Variants in ALG1 observed in about 807,000 individuals in gnomAD.
The protein encoded by ALG1 is chitobiosyldiphosphodolichol beta-mannosyltransferase.
A neutral mutation model predicts 55.1 loss-of-function variants in ALG1; 58 were observed. The ratio of observed to expected loss-of-function variants is 1.05; its 90% CI spans 0.85 to 1.31. ALG1 has a LOEUF of 1.31. Ranked by LOEUF, ALG1 falls within the 50% of genes most tolerant of loss-of-function variation. The probability of loss-of-function intolerance (pLI) is 0.00; values close to 1 mark genes in which losing one functional copy is unlikely to be tolerated. For missense variants in ALG1, 761 were observed against 598.6 expected, an observed-to-expected ratio of 1.27 and a Z score of -2.83; for synonymous variants, 309 against 247.0, an observed-to-expected ratio of 1.25 and a Z score of -2.35.
At chr16:5,079,643 C>G in intron 8 of ALG1, 105 bp from the exon 9 acceptor site, 1 of 1,312,880 alleles carries the variant, frequency 7.6e-7, no homozygotes, top group South Asian at 1.2e-5. Context: ...GAGCTGAGAT[C>G]GCGCCATTGC....
Position 5,078,778 on chromosome 16 carries a change from C to G in ALG1, c.762C>G (p.Val254=). ...FRARSEPEDP[V]TERSAFTERD... ...TCAGCTCAGAACCTGAGGACCCAGT[C>G]ACGGAGCGGTCGGCCTTCACGGAGC... is the stretch of plus-strand genomic sequence containing the variant. Residue 254 remains valine (V), a synonymous_variant, in exon 7 of 13, where the codon GTC becomes GTG. Transcript: ENST00000262374. 1 of 1,612,904 alleles carries G rather than the reference C, an allele frequency of 6.2e-7. No homozygotes were observed. Among genetic ancestry groups the G allele is most frequent in the Non-Finnish European group, 8.5e-7 (1 of 1,179,802 alleles).
chr16:5,075,955 C>T (rs1205993781), intron 4 of ALG1, among the ~76,000 whole-genome samples: 2 of 152,190 alleles, frequency 1.3e-5, no homozygotes, highest in East Asian at 1.9e-4. Flanking sequence ...GGCAAGTGCT[C>T]CAGCAGAAGA....
chr16:5,080,051 G>C (rs953721327), intron 9 of ALG1, among the ~76,000 whole-genome samples: 72 of 144,534 alleles, frequency 5.0e-4, no homozygotes, highest in African/African-American at 1.8e-3. Flanking sequence ...TCTTTTTTTT[G>C]TTGTTGTTAC....
Position 5,082,722 on chromosome 16 carries a change from G to C in ALG1, c.1187+49G>C, listed in dbSNP as rs369450827. ...CTGGGGATAGCTTTGCAGATCCACC[G>C]CTGAGGGGGAAGCAGTGCAGAGGGA... On this transcript the variant is annotated intron_variant, in intron 11 of 12. Coordinates refer to ENST00000262374, the MANE Select transcript of ALG1 (RefSeq NM_019109.5). 1.7e-4 allele frequency: 267 copies of C among 1,602,920 alleles called. 2 individuals carry two copies. In the Middle Eastern group the frequency reaches 3.8e-3, roughly 23 times the overall value.
chr16:5,074,440 G>A (rs1252092127), intron 3 of ALG1, among the ~76,000 whole-genome samples: 1 of 152,102 alleles, frequency 6.6e-6, no homozygotes, highest in African/African-American at 2.4e-5. Flanking sequence ...ATGAACCATC[G>A]TGACCCACAC....
intron 12 of ALG1, 160 bp from the exon 13 acceptor site, chr16:5,084,590 G>A (rs183777877): frequency 1.3e-4 from 140 of 1,116,452 alleles, no homozygotes; most frequent in Non-Finnish European, 1.5e-4. Context: ...AGTTGGAGGC[G>A]GAGTGCTGCT....
intron 4 of ALG1, among the ~76,000 whole-genome samples, chr16:5,076,792 CTTTT>C (rs5815229): frequency 9.2e-6 from 1 of 108,852 alleles, no homozygotes; most frequent in Non-Finnish European, 1.9e-5. Flanking sequence ...GTATTTCTTC[CTTTT>C]TTTTTTTTTT....
chr16:5,073,134 G>C lies in ALG1; in HGVS notation c.287-19G>C, dbSNP rs754296600. The C allele has an allele frequency of 1.2e-6, 2 of 1,613,428 alleles. No individual in the cohort carries two copies. The highest frequency in any genetic ancestry group is 4.5e-5 in the East Asian group (2 of 44,880). On this transcript the variant is annotated intron_variant, in intron 2 of 12. Transcript: ENST00000262374. Reference sequence around the variant, plus strand: ...GCCAGACGCTCCTTTGGTAGTCACAGGTGTTTTCTGACTTGCAGTTGGGCC... The same window carrying C: ...GCCAGACGCTCCTTTGGTAGTCACACGTGTTTTCTGACTTGCAGTTGGGCC...
Position 5,072,961 on chromosome 16 carries a change from C to T in ALG1, c.219C>T (p.Pro73=). Residue 73 remains proline, a synonymous_variant, in exon 2 of 13, where the codon CCC becomes CCT. Transcript: ENST00000262374. Reference sequence around the variant, plus strand: ...ATTCTCATTTTTCAGACTCCAAACCCCATGATGAGCTCTTGCAGAACAACA... The same window carrying T: ...ATTCTCATTTTTCAGACTCCAAACCTCATGATGAGCTCTTGCAGAACAACA... ...VTLLGFCNSK[P]HDELLQNNRI... is the part of the protein sequence containing the mutation. The T allele has an allele frequency of 6.2e-7, 1 of 1,614,200 alleles. No homozygotes were observed. The highest frequency in any genetic ancestry group is 8.5e-7 in the Non-Finnish European group (1 of 1,180,032).
At chr16:5,081,144 C>T in intron 10 of ALG1, 88 bp downstream of exon 10, 2 of 1,371,490 alleles carry the variant, frequency 1.5e-6, no homozygotes, top group Non-Finnish European at 9.9e-7. Context: ...CTCTGGAGGC[C>T]ACTGGGGGAC....
rs373355236 is a variant in ALG1 at position 5,079,808 on chromosome 16, G to C, written c.961+1G>C. The C allele has an allele frequency of 2.1e-5, 34 of 1,611,726 alleles. No individual in the cohort carries two copies. Among genetic ancestry groups the C allele is most frequent in the Non-Finnish European group, 2.9e-5 (34 of 1,179,662 alleles). Reference sequence around the variant, plus strand: ...CCTTCTCTCGTCTGTGTGATAACAGGTACTGCCTGGGACCCTGGGTGTCTG... The same window carrying C: ...CCTTCTCTCGTCTGTGTGATAACAGCTACTGCCTGGGACCCTGGGTGTCTG... On this transcript the variant is annotated splice_donor_variant, in intron 9 of 12. Coordinates refer to ENST00000262374, the MANE Select transcript of ALG1 (RefSeq NM_019109.5). LOFTEE classifies it high-confidence loss of function.
intron 6 of ALG1, 161 bp downstream of exon 6, chr16:5,078,178 A>C: frequency 2.4e-6 from 2 of 840,056 alleles, no homozygotes. Context: ...GGGACACAAC[A>C]CACTCATTGC....
chr16:5,083,887 A>G, intron 12 of ALG1, 130 bp downstream of exon 12: 11 of 1,416,470 alleles, frequency 7.8e-6, no homozygotes, highest in Non-Finnish European at 1.0e-5. Context: ...CTAGGGAGGG[A>G]GCAGAGGTCA....
At chr16:5,075,567 TCC>T (rs1473489925) in intron 4 of ALG1, 31 bp downstream of exon 4, 1 of 1,612,726 alleles carries the variant, frequency 6.2e-7, no homozygotes, top group African/African-American at 1.3e-5. Flanking sequence ...TAAAATACCG[TCC>T]CCTAAACCAC....
At chr16:5,084,579 A>G in intron 12 of ALG1, 171 bp from the exon 13 acceptor site, 3 of 1,046,118 alleles carry the variant, frequency 2.9e-6, no homozygotes, top group Non-Finnish European at 4.2e-6. Flanking sequence ...CTGTGATGTC[A>G]AGTTGGAGGC....
chr16:5,084,625 A>G, intron 12 of ALG1, 125 bp from the exon 13 acceptor site: 3 of 1,460,102 alleles, frequency 2.1e-6, no homozygotes, highest in Non-Finnish European at 1.9e-6. Context: ...CTCGAGTCCA[A>G]GTGAGGGAGT....
rs573160477 is a variant in ALG1 at position 5,077,762 on chromosome 16, T to C, written c.630-145T>C. 910 of 1,065,374 alleles carry C rather than the reference T, an allele frequency of 8.5e-4. 1 individual carries two copies. Among genetic ancestry groups the C allele is most frequent in the Non-Finnish European group, 1.2e-3 (832 of 707,996 alleles). The allele number at this position is 1,065,374 out of a possible 1,614,324, so 66.0% of individuals were successfully genotyped here. On this transcript the variant is annotated intron_variant, in intron 5 of 12. Transcript: ENST00000262374. Reference sequence around the variant, plus strand: ...TGGTCCTAGGACGTCTCTCTGTGCATTCCCAAGTAATTGCAAGGCTTCTTC... The same window carrying C: ...TGGTCCTAGGACGTCTCTCTGTGCACTCCCAAGTAATTGCAAGGCTTCTTC...
chr16:5,079,621 A>G, intron 8 of ALG1, 127 bp from the exon 9 acceptor site: 1 of 1,089,284 alleles, frequency 9.2e-7, no homozygotes, highest in Non-Finnish European at 1.4e-6. Flanking sequence ...CCCAGGAGGC[A>G]GAGGTTGCAG....
At chr16:5,079,687 A>G (rs1956982403) in intron 8 of ALG1, 61 bp from the exon 9 acceptor site, 2 of 1,523,730 alleles carry the variant, frequency 1.3e-6, no homozygotes, top group Admixed American at 1.7e-5. Context: ...AGAGTCTGTC[A>G]GAAAAAAAAA....
Sources: gnomAD v4.1 joint callset for allele counts (sites outside exome capture counted in the v4.1 genomes callset) on GRCh38, gnomAD v4.1.1 for gene constraint, MANE v1.5 for transcripts, NCBI Gene and HGNC (gene_info 2026-07-23, HGNC 2026-07-21) for gene names.